LRRC4C: variants seen among roughly 807,000 people sequenced by gnomAD.
LRRC4C encodes leucine rich repeat containing 4C.
Under a neutral mutation model 33.6 loss-of-function variants are expected in LRRC4C, and 5 were observed. The observed-to-expected ratio is 0.15, with a 90% CI of 0.08 to 0.31. The LOEUF (loss-of-function observed/expected upper bound fraction) is 0.31, where lower values mean the gene tolerates loss of function less well. Among genes scored for constraint, LRRC4C ranks in the 10% least tolerant of loss-of-function variants. LRRC4C has a pLI of 1.00. For missense variants in LRRC4C, 560 were observed against 796.7 expected, an observed-to-expected ratio of 0.70 and a Z score of 3.58; for synonymous variants, 329 against 302.0, an observed-to-expected ratio of 1.09 and a Z score of -0.93.
intron 3 of LRRC4C, among the ~76,000 whole-genome samples, chr11:40,365,449 G>C (rs76910440): frequency 0.026 from 3,922 of 151,946 alleles, 156 homozygotes; most frequent in African/African-American, 0.088. Flanking sequence ...GAAAGGTGTT[G>C]GCCTTTATTA....
In LRRC4C at chr11:40,115,341, C is replaced by G; in HGVS notation, c.952G>C (p.Asp318His). The change falls in exon 7 of 7, where the codon GAC becomes CAC. Residue 318 changes from aspartate (D) to histidine (H), a missense_variant. By Grantham distance (81) the Asp-to-His change is moderately conservative. Transcript: ENST00000528697. The surrounding 1 kb of genome is among the most constrained non-coding windows in gnomAD (Gnocchi z 6.7). ...CAAGCTGTGTTCGAGGGGGCCATGT[C>G]TTTTATCCACCAGCTGAGCCACAGT... Reference protein sequence around the residue: ...DILWLSWWIKDMAPSNTACCA... With the variant: ...DILWLSWWIKHMAPSNTACCA... The G allele has an allele frequency of 6.2e-7, 1 of 1,614,156 alleles. No homozygotes were observed. The highest frequency in any genetic ancestry group is 8.5e-7 in the Non-Finnish European group (1 of 1,180,034).
chr11:40,205,515 A>G (rs1360610669), intron 5 of LRRC4C, among the ~76,000 whole-genome samples: 1 of 152,140 alleles, frequency 6.6e-6, no homozygotes, highest in African/African-American at 2.4e-5. Context: ...CATGACCTTG[A>G]AAACTCGATG....
At chr11:40,293,434 C>G (rs1435827286) in intron 4 of LRRC4C, 2 of 152,126 alleles carry the variant, frequency 1.3e-5, no homozygotes, top group Non-Finnish European at 2.9e-5. Flanking sequence ...GATGCGGTCC[C>G]TCGCCGGTGG....
chr11:40,539,992 A>G (rs1373831805), intron 3 of LRRC4C, among the ~76,000 whole-genome samples: 1 of 152,188 alleles, frequency 6.6e-6, no homozygotes, highest in Non-Finnish European at 1.5e-5. Context: ...ATGTGGCTTC[A>G]GGAATAAATC....
intron 4 of LRRC4C, among the ~76,000 whole-genome samples, chr11:40,284,236 G>A (rs1229709877): frequency 1.3e-5 from 2 of 152,170 alleles, no homozygotes; most frequent in East Asian, 1.9e-4. Context: ...CCAAGTTTGC[G>A]TTCAAACTAG....
At chr11:41,288,573 T>C (rs1949902286) in intron 1 of LRRC4C, among the ~76,000 whole-genome samples, 1 of 152,178 alleles carries the variant, frequency 6.6e-6, no homozygotes, top group South Asian at 2.1e-4. Flanking sequence ...AAATAAGTAG[T>C]TGCATATTTC....
intron 3 of LRRC4C, among the ~76,000 whole-genome samples, chr11:40,438,407 T>C (rs181655692): frequency 2.6e-5 from 4 of 152,340 alleles, no homozygotes; most frequent in East Asian, 1.9e-4. Context: ...ATCACCTTGA[T>C]TGGTCTCCAA....
At chr11:41,314,472 A>G (rs1314567781) in intron 1 of LRRC4C, among the ~76,000 whole-genome samples, 1 of 152,176 alleles carries the variant, frequency 6.6e-6, no homozygotes, top group Non-Finnish European at 1.5e-5. Flanking sequence ...TATAATAATA[A>G]TGCTTTTTGG....
chr11:40,667,827 T>C (rs541454374), intron 2 of LRRC4C, among the ~76,000 whole-genome samples: 1 of 152,162 alleles, frequency 6.6e-6, no homozygotes, highest in Admixed American at 6.5e-5. Flanking sequence ...TTGCTTGTAG[T>C]AGTAGGTATC....
At chr11:40,257,111 A>G (rs1178241055) in intron 4 of LRRC4C, among the ~76,000 whole-genome samples, 4 of 152,042 alleles carry the variant, frequency 2.6e-5, no homozygotes, top group African/African-American at 9.7e-5. Flanking sequence ...CAATAAGTTG[A>G]CCCCTTGCCA....
intron 2 of LRRC4C, among the ~76,000 whole-genome samples, chr11:40,911,490 C>T (rs751046387): frequency 1.3e-5 from 2 of 152,208 alleles, no homozygotes; most frequent in Non-Finnish European, 2.9e-5. Flanking sequence ...AGGGTCCTGA[C>T]TCTTAGAAGG....
chr11:41,346,764 C>T (rs980286375), intron 1 of LRRC4C, among the ~76,000 whole-genome samples: 1 of 152,184 alleles, frequency 6.6e-6, no homozygotes, highest in Non-Finnish European at 1.5e-5. Flanking sequence ...ACATAGCATT[C>T]CAAACTTGGC....
chr11:40,661,574 T>C (rs753007637), intron 2 of LRRC4C, among the ~76,000 whole-genome samples: 16 of 152,222 alleles, frequency 1.1e-4, no homozygotes, highest in Non-Finnish European at 2.1e-4. Context: ...AGCTAGTTAC[T>C]CTCTGAGCTT....
chr11:40,334,544 C>G (rs1206932904), intron 3 of LRRC4C, among the ~76,000 whole-genome samples: 1 of 152,084 alleles, frequency 6.6e-6, no homozygotes, highest in Non-Finnish European at 1.5e-5. Flanking sequence ...GGTGTGTGTA[C>G]TCATAATTGT....
chr11:41,224,393 C>A (rs1947437959), intron 1 of LRRC4C, among the ~76,000 whole-genome samples: 1 of 152,152 alleles, frequency 6.6e-6, no homozygotes, highest in Non-Finnish European at 1.5e-5. Context: ...AATTTATTAG[C>A]TCTGTAACTA....
intron 1 of LRRC4C, among the ~76,000 whole-genome samples, chr11:41,144,832 T>C (rs776618224): frequency 6.6e-6 from 1 of 152,190 alleles, no homozygotes; most frequent in Non-Finnish European, 1.5e-5. Flanking sequence ...GATAATTTCC[T>C]GGCTGTAGAA....
intron 4 of LRRC4C, among the ~76,000 whole-genome samples, chr11:40,277,721 CT>C (rs1021082393): frequency 2.6e-5 from 4 of 151,990 alleles, no homozygotes; most frequent in Admixed American, 2.0e-4. Flanking sequence ...TTGAGCTTCC[CT>C]TTCTCACCTT....
chr11:40,914,837 C>T (rs1266088181), intron 2 of LRRC4C, among the ~76,000 whole-genome samples: 1 of 152,150 alleles, frequency 6.6e-6, no homozygotes, highest in Non-Finnish European at 1.5e-5. Context: ...AGCTGATAGG[C>T]AACTTCAGCA....
At chr11:40,320,902 T>G (rs1945811665) in intron 3 of LRRC4C, among the ~76,000 whole-genome samples, 1 of 152,196 alleles carries the variant, frequency 6.6e-6, no homozygotes, top group Admixed American at 6.5e-5. Context: ...AGCTTCTCTC[T>G]CGAGCATGAG....
Sources: gnomAD v4.1 joint callset for allele counts (sites outside exome capture counted in the v4.1 genomes callset) on GRCh38, gnomAD v4.1.1 for gene constraint, Gnocchi (gnomAD v3.1) non-coding constraint, MANE v1.5 for transcripts, NCBI Gene and HGNC (gene_info 2026-07-23, HGNC 2026-07-21) for gene names.